Variants in DOCK8 observed in about 807,000 individuals in gnomAD.
The protein encoded by DOCK8 is dedicator of cytokinesis protein 8.
In DOCK8, 141 loss-of-function variants were observed where a neutral mutation model predicts 245.6. The observed-to-expected ratio is 0.57, with a 90% CI of 0.50 to 0.66. The LOEUF (loss-of-function observed/expected upper bound fraction) is 0.66. Ranked by LOEUF, DOCK8 falls within the 30% of genes least tolerant of loss-of-function variation. The pLI is 0.00. For synonymous variants in DOCK8, 1,168 were observed against 970.2 expected (o/e 1.20, Z -3.79); for missense variants, 2,965 against 2,603.4 (o/e 1.14, Z -3.02).
intron 1 of DOCK8, among the ~76,000 whole-genome samples, chr9:241,386 C>G (rs1037908523): frequency 6.6e-6 from 1 of 152,164 alleles, no homozygotes; most frequent in Non-Finnish European, 1.5e-5. Flanking sequence ...TTCCCTTCCC[C>G]CTACCCTTCC....
At position 286,442 on chromosome 9, in the gene DOCK8, CT is replaced by C. The variant is rs770566279; in HGVS notation, c.157-15del. The stretch of plus-strand genomic sequence containing the variant: ...AAAACTGGGTGAGAACCTCCTTTTC[CT>C]TTTCCCTGCCCCTCCAGCCTCAGTT... On this transcript the variant is annotated intron_variant, in intron 2 of 47. Coordinates refer to ENST00000432829, the MANE Select transcript of DOCK8 (RefSeq NM_203447.4). 4 of 1,612,880 alleles carry C rather than the reference CT, an allele frequency of 2.5e-6. No individual in the cohort carries two copies. In the South Asian group the frequency reaches 4.4e-5, roughly 18 times the overall value.
intron 1 of DOCK8, among the ~76,000 whole-genome samples, chr9:271,233 G>C (rs1344552927): frequency 6.6e-6 from 1 of 152,188 alleles, no homozygotes; most frequent in Non-Finnish European, 1.5e-5. Context: ...AAATGAGAAT[G>C]GCTGGATCAA....
Position 464,703 on chromosome 9 carries a change from C to T in DOCK8, c.*484C>T, listed in dbSNP as rs1204953551. 1 of 182,410 alleles carries T rather than the reference C, an allele frequency of 5.5e-6. No individual in the cohort carries two copies. The highest frequency in any genetic ancestry group is 1.1e-4 in the South Asian group (1 of 9,266). The allele number at this position is 182,410 out of a possible 1,614,324, so 11.3% of individuals were successfully genotyped here. A position where few individuals can be genotyped will look rare whatever the true frequency, so the allele number is the denominator to read the frequency against. ...GTACGAAACATTTTCAATAAATCTA[C>T]AAAGGGAAGCCTTACTACAATTCCA... On this transcript the variant is annotated 3_prime_UTR_variant, in exon 48 of 48. Coordinates refer to ENST00000432829, the MANE Select transcript of DOCK8 (RefSeq NM_203447.4).
chr9:324,673 G>A (rs2050676628), intron 7 of DOCK8, among the ~76,000 whole-genome samples: 1 of 152,102 alleles, frequency 6.6e-6, no homozygotes, highest in East Asian at 1.9e-4. Context: ...CCCAGTAATG[G>A]AGTTAGGAAG....
At chr9:212,952 C>G (rs113578758), upstream of DOCK8, 1 of 152,178 alleles carries the variant, frequency 6.6e-6, no homozygotes, top group East Asian at 1.9e-4. Context: ...CACCGTGGAC[C>G]GAAGCCTCTG....
At chr9:255,641 C>G (rs1403961357) in intron 1 of DOCK8, among the ~76,000 whole-genome samples, 3 of 127,956 alleles carry the variant, frequency 2.3e-5, no homozygotes, top group East Asian at 4.9e-4. Flanking sequence ...GCACTCCAGC[C>G]TGGGGGATAG....
intron 1 of DOCK8, among the ~76,000 whole-genome samples, chr9:270,740 G>C (rs1431948115): frequency 6.6e-6 from 1 of 152,178 alleles, no homozygotes; most frequent in Non-Finnish European, 1.5e-5. Flanking sequence ...GACCTCATTT[G>C]ATCCTCAGTA....
At chr9:250,382 A>C (rs1038149581) in intron 1 of DOCK8, among the ~76,000 whole-genome samples, 1 of 152,200 alleles carries the variant, frequency 6.6e-6, no homozygotes, top group African/African-American at 2.4e-5. Flanking sequence ...TGTCCCTTCA[A>C]GGAATGAAAC....
At chr9:278,877 G>A (rs2048462414) in intron 2 of DOCK8, among the ~76,000 whole-genome samples, 1 of 152,184 alleles carries the variant, frequency 6.6e-6, no homozygotes, top group African/African-American at 2.4e-5. Context: ...AAGACAGGAA[G>A]CTGCTGTGAG....
intron 4 of DOCK8, among the ~76,000 whole-genome samples, chr9:295,389 G>T (rs1225854436): frequency 1.3e-5 from 2 of 152,078 alleles, no homozygotes; most frequent in East Asian, 1.9e-4. Context: ...TACATTAGAA[G>T]AAATCAATTC....
At chr9:303,854 G>A (rs1444883814) in intron 4 of DOCK8, among the ~76,000 whole-genome samples, 1 of 152,118 alleles carries the variant, frequency 6.6e-6, no homozygotes. Flanking sequence ...AATAAAAGTG[G>A]CGTGTTTGTG....
chr9:279,816 G>A (rs1336557296), intron 2 of DOCK8, among the ~76,000 whole-genome samples: 1 of 152,200 alleles, frequency 6.6e-6, no homozygotes, highest in African/African-American at 2.4e-5. Context: ...GAGACATCAT[G>A]CCTCTTCCCC....
intron 46 of DOCK8, chr9:454,688 TGTC>T (rs1284506988): frequency 1.3e-5 from 2 of 152,240 alleles, no homozygotes; most frequent in African/African-American, 4.8e-5. Context: ...TAAGAAAACT[TGTC>T]AGGAGAGTGA....
At chr9:420,716 C>G (rs1586981398) in intron 31 of DOCK8, 133 bp downstream of exon 31, 7 of 1,281,072 alleles carry the variant, frequency 5.5e-6, no homozygotes, top group Non-Finnish European at 7.9e-6. Context: ...AATCCATAAC[C>G]CATTTGTAGG....
At chr9:215,080 G>C (rs770117613) in intron 1 of DOCK8, 51 bp downstream of exon 1, 1 of 1,533,074 alleles carries the variant, frequency 6.5e-7, no homozygotes, top group Non-Finnish European at 8.7e-7. Context: ...CCCAGCGCTG[G>C]TGTGAAGCGG....
chr9:220,823 C>T (rs752186441), intron 1 of DOCK8: 13 of 347,664 alleles, frequency 3.7e-5, no homozygotes, highest in Admixed American at 2.3e-4. Context: ...CGGATTCAAG[C>T]GATTCTCCTG....
chr9:452,535 A>T (rs1048270817), intron 46 of DOCK8: 8 of 162,172 alleles, frequency 4.9e-5, no homozygotes, highest in Admixed American at 4.9e-4. Flanking sequence ...GACAGTTGGC[A>T]GCAGAGATGA....
At chr9:222,477 C>G (rs973935909) in intron 1 of DOCK8, among the ~76,000 whole-genome samples, 6 of 152,132 alleles carry the variant, frequency 3.9e-5, no homozygotes, top group African/African-American at 1.4e-4. Context: ...GTTTCTGCTC[C>G]TACCAGTGGC....
intron 1 of DOCK8, among the ~76,000 whole-genome samples, chr9:221,896 T>C (rs1253608711): frequency 1.3e-5 from 2 of 152,062 alleles, no homozygotes; most frequent in African/African-American, 4.8e-5. Flanking sequence ...ACATAGGCTG[T>C]ATAAAATCCT....
Sources: allele counts gnomAD v4.1 joint callset (sites outside exome capture counted in the v4.1 genomes callset), GRCh38; gene constraint gnomAD v4.1.1; transcripts MANE v1.5; gene names NCBI Gene and HGNC (gene_info 2026-07-23, HGNC 2026-07-21).